Variants in GPC6 observed in about 807,000 individuals in gnomAD.
The protein encoded by GPC6 is glypican 6, also known as glypican-6.
A neutral mutation model predicts 55.2 loss-of-function variants in GPC6; 14 were observed. The ratio of observed to expected loss-of-function variants is 0.25; its 90% CI spans 0.17 to 0.40. The LOEUF is 0.40. Ranked by LOEUF, GPC6 falls within the 10% of genes least tolerant of loss-of-function variation. GPC6 has a pLI of 1.00. For synonymous variants in GPC6, 278 were observed against 259.6 expected (o/e 1.07, Z -0.68); for missense variants, 641 against 708.5 (o/e 0.90, Z 1.08).
chr13:93,986,922 T>G (rs2140410836), intron 3 of GPC6, among the ~76,000 whole-genome samples: 1 of 152,348 alleles, frequency 6.6e-6, no homozygotes, highest in East Asian at 1.9e-4. Flanking sequence ...ATTTTTGTCT[T>G]ACAAAGCATT....
At chr13:93,313,919 T>C (rs1879159128) in intron 1 of GPC6, among the ~76,000 whole-genome samples, 1 of 152,186 alleles carries the variant, frequency 6.6e-6, no homozygotes, top group African/African-American at 2.4e-5. Context: ...AACAATGTAC[T>C]GTGCAACCTT....
chr13:93,811,074 T>A (rs1473366677), intron 2 of GPC6, among the ~76,000 whole-genome samples: 1 of 152,220 alleles, frequency 6.6e-6, no homozygotes, highest in Non-Finnish European at 1.5e-5. Context: ...TTACCTTGTA[T>A]TCATTTAAGT....
chr13:93,389,519 A>G (rs948674824), intron 1 of GPC6, among the ~76,000 whole-genome samples: 2 of 144,998 alleles, frequency 1.4e-5, no homozygotes, highest in Non-Finnish European at 3.1e-5. Context: ...AAAAAAAAAA[A>G]TTATATATAC....
intron 1 of GPC6, among the ~76,000 whole-genome samples, chr13:93,454,649 G>C (rs1225056887): frequency 6.6e-6 from 1 of 152,072 alleles, no homozygotes; most frequent in Non-Finnish European, 1.5e-5. Context: ...GTGCTCATTG[G>C]TGTATTTACA....
chr13:93,813,696 G>C (rs1309862404), intron 2 of GPC6, among the ~76,000 whole-genome samples: 1 of 151,712 alleles, frequency 6.6e-6, no homozygotes, highest in Non-Finnish European at 1.5e-5. Context: ...ATCTTTTAAT[G>C]AAGGATTTTT....
At chr13:93,935,023 A>G (rs1422136443) in intron 3 of GPC6, among the ~76,000 whole-genome samples, 2 of 152,228 alleles carry the variant, frequency 1.3e-5, no homozygotes, top group African/African-American at 4.8e-5. Flanking sequence ...ACATATGGAC[A>G]TACTACATTA....
chr13:93,794,563 C>T (rs1435240535), intron 2 of GPC6, among the ~76,000 whole-genome samples: 1 of 152,174 alleles, frequency 6.6e-6, no homozygotes, highest in Non-Finnish European at 1.5e-5. Context: ...GTTTCCACTT[C>T]ATTCTGGGGG....
At position 94,382,519 on chromosome 13, in the gene GPC6, G is replaced by A. The variant is rs1279265667; in HGVS notation, c.1258G>A (p.Glu420Lys). The part of the protein sequence containing the change: ...ESVTAGTSNE[E>K]ECWNGHSKAR... Reference sequence around the variant, plus strand: ...CGTGACAGCGGGCACGTCCAACGAGGAGGAATGCTGGAACGGGCACAGCAA... The same window carrying A: ...CGTGACAGCGGGCACGTCCAACGAGAAGGAATGCTGGAACGGGCACAGCAA... The change falls in exon 7 of 9, where the codon GAG (glutamate) becomes AAG (lysine). Residue 420 changes from glutamate (E) to lysine (K), a missense_variant. Transcript: ENST00000377047. 2 of 1,614,180 alleles carry A rather than the reference G, an allele frequency of 1.2e-6. No individual in the cohort carries two copies. The highest frequency in any genetic ancestry group is 8.5e-7 in the Non-Finnish European group (1 of 1,180,040).
At chr13:93,530,886 G>A (rs1881840785) in intron 1 of GPC6, among the ~76,000 whole-genome samples, 1 of 152,088 alleles carries the variant, frequency 6.6e-6, no homozygotes, top group African/African-American at 2.4e-5. Flanking sequence ...TGTGTTGGGA[G>A]TATTTATGTC....
intron 3 of GPC6, among the ~76,000 whole-genome samples, chr13:93,931,574 A>C (rs967714253): frequency 6.6e-5 from 10 of 151,622 alleles, no homozygotes; most frequent in Non-Finnish European, 1.5e-4. Flanking sequence ...GACCAGCCTG[A>C]CCAACATGGC....
chr13:93,976,004 C>A (rs991576202), intron 3 of GPC6, among the ~76,000 whole-genome samples: 19 of 152,010 alleles, frequency 1.2e-4, no homozygotes, highest in Non-Finnish European at 1.5e-5. Context: ...TTAGCAAGAC[C>A]TTTATGGGAA....
intron 3 of GPC6, among the ~76,000 whole-genome samples, chr13:94,012,493 A>G (rs999795793): frequency 3.3e-5 from 5 of 152,224 alleles, no homozygotes; most frequent in Admixed American, 2.6e-4. Flanking sequence ...ATCATTGTGC[A>G]TAGAGTGGCG....
chr13:94,229,215 T>C (rs963346197), intron 4 of GPC6, among the ~76,000 whole-genome samples: 5 of 152,242 alleles, frequency 3.3e-5, no homozygotes, highest in South Asian at 2.1e-4. Context: ...TCATTAACTT[T>C]TCCTAATTGT....
At chr13:94,254,618 C>T (rs937198558) in intron 4 of GPC6, among the ~76,000 whole-genome samples, 25 of 151,786 alleles carry the variant, frequency 1.6e-4, no homozygotes, top group East Asian at 3.9e-4. Flanking sequence ...TTGGGAGTAA[C>T]GGAAACATAA....
intron 4 of GPC6, among the ~76,000 whole-genome samples, chr13:94,199,222 G>A (rs193013708): frequency 2.6e-5 from 4 of 152,302 alleles, no homozygotes; most frequent in East Asian, 1.9e-4. Context: ...TTTCCTTCAC[G>A]ACAGAGAGAA....
At chr13:94,143,864 C>G (rs895755930) in intron 4 of GPC6, among the ~76,000 whole-genome samples, 1 of 152,134 alleles carries the variant, frequency 6.6e-6, no homozygotes, top group Non-Finnish European at 1.5e-5. Flanking sequence ...ACACTCCAGC[C>G]TGGGTGACAG....
chr13:94,401,956 A>T (rs1043681728), intron 8 of GPC6, among the ~76,000 whole-genome samples: 4 of 152,146 alleles, frequency 2.6e-5, no homozygotes, highest in Admixed American at 6.5e-5. Context: ...ATAGATAGAT[A>T]GATAGATAGA....
chr13:94,351,447 G>A (rs891745855), intron 6 of GPC6, among the ~76,000 whole-genome samples: 1 of 152,048 alleles, frequency 6.6e-6, no homozygotes, highest in Non-Finnish European at 1.5e-5. Context: ...GCCTTTTGTG[G>A]AAAAACAAAG....
chr13:93,227,341 G>A lies in GPC6; in HGVS notation c.-116G>A. 9.9e-7 allele frequency: 1 copy of A among 1,009,752 alleles called. No individual in the cohort carries two copies. The highest frequency in any genetic ancestry group is 1.5e-6 in the Non-Finnish European group (1 of 673,794). The allele number at this position is 1,009,752 out of a possible 1,614,324, so 62.5% of individuals were successfully genotyped here. ...GTCCCCTCGGCTGGCAGAAGGGGGT[G>A]ACGCTGGGCAGCGGCGAGGAGCGCG... On this transcript the variant is annotated 5_prime_UTR_variant, in exon 1 of 9. Coordinates refer to ENST00000377047, the MANE Select transcript of GPC6 (RefSeq NM_005708.5). The surrounding 1 kb of genome is among the most constrained non-coding windows in gnomAD (Gnocchi z 4.3).
Sources: allele counts gnomAD v4.1 joint callset (sites outside exome capture counted in the v4.1 genomes callset), GRCh38; gene constraint gnomAD v4.1.1; non-coding constraint Gnocchi (gnomAD v3.1); transcripts MANE v1.5; gene names NCBI Gene and HGNC (gene_info 2026-07-23, HGNC 2026-07-21).